Variants in TRERF1 observed in about 807,000 individuals in gnomAD.
TRERF1 encodes transcriptional regulating factor 1, also known as transcriptional-regulating factor 1.
TRERF1 carries 27 observed loss-of-function variants against 122.9 expected under a neutral mutation model. The observed-to-expected ratio is 0.22, with a 90% confidence interval of 0.16 to 0.30. TRERF1 has a LOEUF of 0.30. TRERF1 is among the 10% of genes least tolerant of loss of function. The pLI is 1.00. For missense variants in TRERF1, 1,248 were observed against 1,560.3 expected (o/e 0.80, Z 3.37); for synonymous variants, 636 against 641.7 (o/e 0.99, Z 0.13).
intron 3 of TRERF1, among the ~76,000 whole-genome samples, chr6:42,348,141 C>T (rs1768684812): frequency 6.6e-6 from 1 of 152,162 alleles, no homozygotes; most frequent in African/African-American, 2.4e-5. Context: ...GGAATTGAAA[C>T]ATACTTAACC....
chr6:42,417,930 C>T (rs1444265493), intron 2 of TRERF1, among the ~76,000 whole-genome samples: 2 of 152,218 alleles, frequency 1.3e-5, no homozygotes, highest in Non-Finnish European at 2.9e-5. Context: ...TGAACACACA[C>T]ACATACAATT....
chr6:42,360,685 C>T (rs1011722322), intron 3 of TRERF1, among the ~76,000 whole-genome samples: 1 of 150,852 alleles, frequency 6.6e-6, no homozygotes, highest in Non-Finnish European at 1.5e-5. Flanking sequence ...ACACCCCCAG[C>T]CTCCCCACAG....
intron 4 of TRERF1, among the ~76,000 whole-genome samples, chr6:42,300,093 A>C (rs1178509720): frequency 6.6e-6 from 1 of 152,220 alleles, no homozygotes; most frequent in African/African-American, 2.4e-5. Context: ...ACCCAGTGAG[A>C]GAGGCATGTG....
chr6:42,290,741 C>CTTTTTTTTTTT (rs144168592), intron 4 of TRERF1, among the ~76,000 whole-genome samples: 26 of 92,408 alleles, frequency 2.8e-4, no homozygotes, highest in African/African-American at 3.6e-4. Context: ...CATTTCTTTC[C>CTTTTTTTTTTT]TTTTTTTTTT....
At chr6:42,318,958 C>G (rs2150423443) in intron 3 of TRERF1, among the ~76,000 whole-genome samples, 1 of 152,346 alleles carries the variant, frequency 6.6e-6, no homozygotes, top group Middle Eastern at 3.4e-3. Context: ...AGGTGGAACT[C>G]CCTGACCAGT....
chr6:42,365,722 G>A (rs1562071336), intron 2 of TRERF1, among the ~76,000 whole-genome samples: 2 of 152,052 alleles, frequency 1.3e-5, no homozygotes, highest in Admixed American at 6.5e-5. Context: ...CTTCCCTCTC[G>A]TCTTTTCTAC....
chr6:42,414,905 T>C (rs962671794), intron 2 of TRERF1, among the ~76,000 whole-genome samples: 2 of 152,256 alleles, frequency 1.3e-5, no homozygotes, highest in African/African-American at 4.8e-5. Context: ...AGTGTTTCTC[T>C]AGGACAGATA....
intron 3 of TRERF1, among the ~76,000 whole-genome samples, chr6:42,357,878 T>C (rs1029461213): frequency 6.6e-6 from 1 of 152,202 alleles, no homozygotes; most frequent in African/African-American, 2.4e-5. Flanking sequence ...GGGTGTATGT[T>C]TGGGGATTTT....
At chr6:42,289,677 T>G (rs1031409501) in intron 4 of TRERF1, among the ~76,000 whole-genome samples, 2 of 152,158 alleles carry the variant, frequency 1.3e-5, no homozygotes, top group Non-Finnish European at 2.9e-5. Context: ...TGTTCCCATA[T>G]CATCAAATGC....
At chr6:42,324,672 A>G (rs1694810828) in intron 3 of TRERF1, among the ~76,000 whole-genome samples, 1 of 152,230 alleles carries the variant, frequency 6.6e-6, no homozygotes, top group African/African-American at 2.4e-5. Flanking sequence ...TATTCAATAA[A>G]TAGTGCTCAG....
chr6:42,289,762 T>C (rs1431687733), intron 4 of TRERF1, among the ~76,000 whole-genome samples: 1 of 152,174 alleles, frequency 6.6e-6, no homozygotes, highest in African/African-American at 2.4e-5. Context: ...GACTGTAGTT[T>C]GCTGACCCCC....
intron 3 of TRERF1, among the ~76,000 whole-genome samples, chr6:42,320,329 T>C (rs1473946259): frequency 6.6e-6 from 1 of 152,120 alleles, no homozygotes; most frequent in Non-Finnish European, 1.5e-5. Context: ...GTTCCTACTT[T>C]AGGTGGTGGA....
chr6:42,236,082 G>A lies in TRERF1; in HGVS notation c.3066+123C>T, dbSNP rs867442367. On this transcript the variant is annotated intron_variant, in intron 16 of 17. Coordinates refer to ENST00000372922, the Ensembl canonical transcript of TRERF1. ...AAGCAGAAAACAATGGCAACATGGA[G>A]CACCCTCTGCCAAACTGTGACTGTT... The A allele has an allele frequency of 9.3e-6, 13 of 1,401,724 alleles. No homozygotes were observed. The African/African-American group carries it at 1.6e-4, about 17-fold the overall frequency. 86.8% of individuals were successfully genotyped at this position (1,401,724 alleles called of 1,614,324 possible). A position where few individuals can be genotyped will look rare whatever the true frequency, so the allele number is the denominator to read the frequency against.
intron 2 of TRERF1, among the ~76,000 whole-genome samples, chr6:42,379,391 C>G (rs1457658007): frequency 6.6e-6 from 1 of 152,130 alleles, no homozygotes. Flanking sequence ...CTAACCAAAT[C>G]AAACCATCCT....
chr6:42,269,822 A>T lies in TRERF1; in HGVS notation c.-232T>A. 10 of 1,184,670 alleles carry T rather than the reference A, an allele frequency of 8.4e-6. No individual in the cohort carries two copies. Among genetic ancestry groups the T allele is most frequent in the Non-Finnish European group, 1.1e-5 (10 of 886,526 alleles). 73.4% of individuals were successfully genotyped at this position (1,184,670 alleles called of 1,614,324 possible). A position where few individuals can be genotyped will look rare whatever the true frequency, so the allele number is the denominator to read the frequency against. On this transcript the variant is annotated 5_prime_UTR_variant, in exon 5 of 18. Coordinates refer to ENST00000372922, the Ensembl canonical transcript of TRERF1. This position sits in a 1 kb window ranked among gnomAD's most constrained non-coding sequence, Gnocchi z 4.9. ...CTGGCTGAGGTATAGACCACACAGC[A>T]CTGTGGTGAGGAGACGTCGCTCACA...
At chr6:42,296,477 G>C (rs554687966) in intron 4 of TRERF1, among the ~76,000 whole-genome samples, 1 of 152,264 alleles carries the variant, frequency 6.6e-6, no homozygotes, top group African/African-American at 2.4e-5. Context: ...TGTGTTACAA[G>C]CTCTACAGGC....
At position 42,269,496 on chromosome 6, in the gene TRERF1, A is replaced by G; in HGVS notation, c.95T>C (p.Leu32Pro). The change falls in exon 5 of 18, where the codon CTG becomes CCG. Residue 32 changes from leucine (L) to proline (P), a missense_variant. Coordinates refer to ENST00000372922, the Ensembl canonical transcript of TRERF1. The surrounding 1 kb of genome is among the most constrained non-coding windows in gnomAD (Gnocchi z 4.9). The stretch of plus-strand genomic sequence containing the variant: ...AACTGCATTCCCATAGTTGTGGTTC[A>G]GCCCGCTGTGGACGCCAAGTGGTGG... 6.2e-7 allele frequency: 1 copy of G among 1,614,252 alleles called. No individual in the cohort carries two copies. Among genetic ancestry groups the G allele is most frequent in the South Asian group, 1.1e-5 (1 of 91,092 alleles).
At chr6:42,337,101 A>C (rs1188662937) in intron 3 of TRERF1, among the ~76,000 whole-genome samples, 1 of 152,090 alleles carries the variant, frequency 6.6e-6, no homozygotes, top group Non-Finnish European at 1.5e-5. Context: ...GTCCATGGGC[A>C]CCCTGAGCTC....
intron 2 of TRERF1, among the ~76,000 whole-genome samples, chr6:42,369,265 C>A (rs920076715): frequency 6.6e-6 from 1 of 152,278 alleles, no homozygotes; most frequent in South Asian, 2.1e-4. Flanking sequence ...GCCTGGCCAA[C>A]ATGGTGAAAC....
Sources: allele counts gnomAD v4.1 joint callset (sites outside exome capture counted in the v4.1 genomes callset), GRCh38; gene constraint gnomAD v4.1.1; non-coding constraint Gnocchi (gnomAD v3.1); transcripts MANE v1.5; gene names NCBI Gene and HGNC (gene_info 2026-07-23, HGNC 2026-07-21).